Variants in DENND1A observed in about 807,000 individuals in gnomAD.
The protein encoded by DENND1A is DENN domain-containing protein 1A.
A neutral mutation model predicts 113.7 loss-of-function variants in DENND1A; 51 were observed. The ratio of observed to expected loss-of-function variants is 0.45; its 90% CI spans 0.36 to 0.57. The LOEUF (loss-of-function observed/expected upper bound fraction) is 0.57. Among genes scored for constraint, DENND1A ranks in the 20% least tolerant of loss-of-function variants. The pLI is 0.00. For missense variants in DENND1A, 1,258 were observed against 1,395.9 expected, an observed-to-expected ratio of 0.90 and a Z score of 1.57; for synonymous variants, 565 against 570.8, an observed-to-expected ratio of 0.99 and a Z score of 0.14.
chr9:123,684,519 T>C (rs1186337096), intron 5 of DENND1A, among the ~76,000 whole-genome samples: 1 of 152,138 alleles, frequency 6.6e-6, no homozygotes, highest in African/African-American at 2.4e-5. Flanking sequence ...ATTCCCACCT[T>C]TAAGCACAAC....
At chr9:123,615,858 T>A (rs1382780261) in intron 10 of DENND1A, among the ~76,000 whole-genome samples, 3 of 152,184 alleles carry the variant, frequency 2.0e-5, no homozygotes, top group African/African-American at 7.2e-5. Flanking sequence ...CACACCACAT[T>A]TCAAGGGCTG....
chr9:123,467,015 C>A (rs780403222), intron 13 of DENND1A, among the ~76,000 whole-genome samples: 1 of 152,132 alleles, frequency 6.6e-6, no homozygotes, highest in Non-Finnish European at 1.5e-5. Flanking sequence ...CACACCACTG[C>A]ACTTCAGCCT....
At chr9:123,711,496 T>A (rs1328924078) in intron 5 of DENND1A, among the ~76,000 whole-genome samples, 12 of 83,378 alleles carry the variant, frequency 1.4e-4, no homozygotes, top group African/African-American at 5.9e-4. Context: ...AATATATATA[T>A]ATATATATGT....
chr9:123,395,457 A>ACTCT (rs140282595), intron 21 of DENND1A, among the ~76,000 whole-genome samples: 2,820 of 142,006 alleles, frequency 0.02, 58 homozygotes, highest in Non-Finnish European at 0.028. Context: ...CCCAGAATCT[A>ACTCT]CTCTCTCTCT....
Position 123,730,581 on chromosome 9 carries a change from G to A in DENND1A, c.302+27122C>T, listed in dbSNP as rs111281605. Among the ~76,000 whole-genome samples the A allele has an allele frequency of 2.1e-3, 318 of 152,282 alleles. 2 individuals carry two copies. Among genetic ancestry groups the A allele is most frequent in the African/African-American group, 7.3e-3 (304 of 41,562 alleles). ...ATACCATCTCACCCCAGTTAGAATG[G>A]CAATCATTAAAAAGTCAGGAAACAA... is the stretch of plus-strand genomic sequence containing the variant. On this transcript the variant is annotated intron_variant, in intron 5 of 23. Transcript: ENST00000394215.
chr9:123,524,253 A>T (rs947144304), intron 13 of DENND1A, among the ~76,000 whole-genome samples: 1 of 152,248 alleles, frequency 6.6e-6, no homozygotes, highest in African/African-American at 2.4e-5. Flanking sequence ...GTAGGCACTC[A>T]GTAAATAGTC....
chr9:123,403,407 A>G lies in DENND1A; in HGVS notation c.1626T>C (p.Pro542=). ...GGGAGAGGCACAATACTCACTGCTC[A>G]GGGCTCGGCACAGACGTCCTCCGGC... ...VEGRRTSVPS[P]EHLVKPLRHY... The change falls in exon 21 of 24, where the codon CCT becomes CCC. Residue 542 remains proline (P), a synonymous_variant. Coordinates refer to ENST00000394215, the MANE Select transcript of DENND1A (RefSeq NM_001352964.2). The G allele has an allele frequency of 1.2e-6, 2 of 1,614,106 alleles. No individual in the cohort carries two copies. Among genetic ancestry groups the G allele is most frequent in the East Asian group, 2.2e-5 (1 of 44,884 alleles).
chr9:123,527,377 A>G (rs1372817971), intron 13 of DENND1A, among the ~76,000 whole-genome samples: 2 of 152,156 alleles, frequency 1.3e-5, no homozygotes, highest in African/African-American at 2.4e-5. Context: ...ACAGCTGTCC[A>G]ATGACCTAAG....
chr9:123,448,956 T>C lies in DENND1A; in HGVS notation c.1356+1737A>G, dbSNP rs1257125498. Among the ~76,000 whole-genome samples the C allele has an allele frequency of 5.3e-5, 8 of 152,130 alleles. No homozygotes were observed. The East Asian group carries it at 1.3e-3, about 26-fold the overall frequency. ...TATTAGAGTGGTACGTTTGGGGGCA[T>C]AGGGATAATGAAGTAGGTGATCCCA... On this transcript the variant is annotated intron_variant, in intron 18 of 23. Transcript: ENST00000394215.
chr9:123,609,129 A>G (rs1017554190), intron 11 of DENND1A, among the ~76,000 whole-genome samples: 1 of 152,194 alleles, frequency 6.6e-6, no homozygotes, highest in African/African-American at 2.4e-5. Flanking sequence ...TAGAACAAAC[A>G]TTTTGAAAAG....
intron 5 of DENND1A, among the ~76,000 whole-genome samples, chr9:123,709,328 T>C (rs1242399286): frequency 6.6e-6 from 1 of 152,214 alleles, no homozygotes; most frequent in Non-Finnish European, 1.5e-5. Context: ...TTCTTTGTTC[T>C]TGTGCCTTTT....
chr9:123,769,239 T>C (rs931027902), intron 4 of DENND1A, among the ~76,000 whole-genome samples: 1 of 152,220 alleles, frequency 6.6e-6, no homozygotes, highest in African/African-American at 2.4e-5. Context: ...ATACCAACCA[T>C]TCTTAATCAC....
At chr9:123,491,581 A>C (rs2051381457) in intron 13 of DENND1A, among the ~76,000 whole-genome samples, 1 of 152,174 alleles carries the variant, frequency 6.6e-6, no homozygotes, top group Admixed American at 6.5e-5. Flanking sequence ...TAGTCAACAG[A>C]AAGAAGAAGA....
chr9:123,740,171 G>A (rs1397329964), intron 5 of DENND1A, among the ~76,000 whole-genome samples: 5 of 151,984 alleles, frequency 3.3e-5, no homozygotes, highest in East Asian at 1.9e-4. Context: ...GCCCCTCTAC[G>A]TAAAAGTTGG....
At chr9:123,516,107 TACACACACAC>T (rs199923277) in intron 13 of DENND1A, among the ~76,000 whole-genome samples, 5,335 of 138,582 alleles carry the variant, frequency 0.038, 143 homozygotes, top group African/African-American at 0.067. Context: ...TACACACACA[TACACACACAC>T]ACACACACAC....
chr9:123,401,594 T>C (rs1401771712), intron 21 of DENND1A: 1 of 1,412,760 alleles, frequency 7.1e-7, no homozygotes, highest in Non-Finnish European at 9.2e-7. Flanking sequence ...CTGGCTCCCA[T>C]GCTCCCACTG....
At chr9:123,763,373 T>C (rs544030070) in intron 4 of DENND1A, among the ~76,000 whole-genome samples, 5 of 151,910 alleles carry the variant, frequency 3.3e-5, no homozygotes, top group Admixed American at 1.3e-4. Context: ...GGACTGGGAA[T>C]TGGGGAGCAA....
At chr9:123,553,809 G>A (rs2057267731) in intron 13 of DENND1A, among the ~76,000 whole-genome samples, 1 of 152,078 alleles carries the variant, frequency 6.6e-6, no homozygotes, top group African/African-American at 2.4e-5. Flanking sequence ...CCAGGCTGGA[G>A]TACAGTGGCA....
intron 13 of DENND1A, among the ~76,000 whole-genome samples, chr9:123,555,992 A>G (rs2057393238): frequency 6.6e-6 from 1 of 152,184 alleles, no homozygotes; most frequent in African/African-American, 2.4e-5. Flanking sequence ...GGGGAAGACA[A>G]CTGTATTTTC....
Sources: gnomAD v4.1 joint callset for allele counts (sites outside exome capture counted in the v4.1 genomes callset) on GRCh38, gnomAD v4.1.1 for gene constraint, MANE v1.5 for transcripts, NCBI Gene and HGNC (gene_info 2026-07-23, HGNC 2026-07-21) for gene names.